The following SDK1 variants were observed in gnomAD, a reference collection of about 807,000 sequenced individuals.
The protein encoded by SDK1 is sidekick cell adhesion molecule 1, also known as protein sidekick-1.
A neutral mutation model predicts 245.5 loss-of-function variants in SDK1; 157 were observed. The observed-to-expected ratio is 0.64, with a 90% CI of 0.56 to 0.73. The LOEUF (loss-of-function observed/expected upper bound fraction) is 0.73, where lower values mean the gene tolerates loss of function less well. Among genes scored for constraint, SDK1 ranks in the 30% least tolerant of loss-of-function variants. The pLI is 0.00. For synonymous variants in SDK1, 1,647 were observed against 1,278.5 expected (o/e 1.29, Z -6.15); for missense variants, 3,583 against 3,002.3 (o/e 1.19, Z -4.52).
At chr7:3,980,707 G>C (rs995875925) in intron 13 of SDK1, among the ~76,000 whole-genome samples, 1 of 152,200 alleles carries the variant, frequency 6.6e-6, no homozygotes. Flanking sequence ...ACTTTGGGAG[G>C]CCGAGGCAGG....
intron 1 of SDK1, among the ~76,000 whole-genome samples, chr7:3,563,497 G>A (rs1359975639): frequency 6.6e-6 from 1 of 152,072 alleles, no homozygotes; most frequent in African/African-American, 2.4e-5. Context: ...TTGATAAAGG[G>A]AATATGACAA....
At position 3,655,103 on chromosome 7, in the gene SDK1, A is replaced by G. The variant is rs549746068; in HGVS notation, c.713+12998A>G. On this transcript the variant is annotated intron_variant, in intron 4 of 44. Transcript: ENST00000404826. ...ACCCACATTATATTTTGAAATGGCA[A>G]TGATCACAATCAAGAGGCATTTTAA... is the stretch of plus-strand genomic sequence containing the variant. Among the ~76,000 whole-genome samples, 11 of 150,642 alleles carry G rather than the reference A, an allele frequency of 7.3e-5. No homozygotes were observed. The South Asian group carries it at 1.9e-3, about 26-fold the overall frequency.
intron 5 of SDK1, among the ~76,000 whole-genome samples, chr7:3,950,375 C>G (rs1780755120): frequency 6.6e-6 from 1 of 152,236 alleles, no homozygotes; most frequent in Non-Finnish European, 1.5e-5. Context: ...CATCTTCTAT[C>G]TGCCCTTTCA....
chr7:3,612,695 G>A (rs994195921), intron 1 of SDK1, among the ~76,000 whole-genome samples: 2 of 152,176 alleles, frequency 1.3e-5, no homozygotes, highest in Admixed American at 6.5e-5. Flanking sequence ...AAGATTAGTG[G>A]TTTAAACTGA....
intron 17 of SDK1, among the ~76,000 whole-genome samples, chr7:4,034,818 C>T (rs890796459): frequency 6.6e-6 from 1 of 152,142 alleles, no homozygotes; most frequent in Non-Finnish European, 1.5e-5. Context: ...GGTATATCCA[C>T]AAGATGGCAT....
intron 1 of SDK1, among the ~76,000 whole-genome samples, chr7:3,444,537 C>T (rs1030969334): frequency 1.3e-4 from 20 of 152,112 alleles, no homozygotes; most frequent in African/African-American, 4.8e-4. Context: ...TATAAGAGAA[C>T]TCTAGTTTTT....
intron 4 of SDK1, among the ~76,000 whole-genome samples, chr7:3,812,392 A>G (rs995900308): frequency 1.2e-4 from 18 of 152,188 alleles, no homozygotes; most frequent in African/African-American, 4.3e-4. Context: ...TTTCAAATCC[A>G]AAGGATTTTA....
At chr7:3,987,041 G>T in intron 13 of SDK1, 145 bp from the exon 14 acceptor site, 1 of 744,736 alleles carries the variant, frequency 1.3e-6, no homozygotes, top group South Asian at 1.8e-5. Context: ...GGGGGGAAGA[G>T]AGTTAATATT....
chr7:3,496,104 A>G (rs957630184), intron 1 of SDK1, among the ~76,000 whole-genome samples: 2 of 152,170 alleles, frequency 1.3e-5, no homozygotes, highest in Middle Eastern at 3.2e-3. Flanking sequence ...GGAGATGCGT[A>G]GTGTGGTCTT....
chr7:3,309,503 G>A (rs924677311), intron 1 of SDK1, among the ~76,000 whole-genome samples: 15 of 147,858 alleles, frequency 1.0e-4, no homozygotes, highest in Non-Finnish European at 1.9e-4. Flanking sequence ...TAGAATAGTG[G>A]CAGAGTGTCA....
At chr7:3,754,632 C>G (rs138418502) in intron 4 of SDK1, among the ~76,000 whole-genome samples, 6 of 143,856 alleles carry the variant, frequency 4.2e-5, no homozygotes, top group Admixed American at 3.7e-4. Flanking sequence ...AAGTTCTCCC[C>G]GGATTGCTGA....
At chr7:3,685,885 C>T (rs1164748296) in intron 4 of SDK1, among the ~76,000 whole-genome samples, 1 of 151,704 alleles carries the variant, frequency 6.6e-6, no homozygotes, top group Non-Finnish European at 1.5e-5. Flanking sequence ...TAAAATGGCA[C>T]GTTTAACATG....
chr7:3,639,903 G>T (rs1782597215), intron 3 of SDK1, among the ~76,000 whole-genome samples: 1 of 152,178 alleles, frequency 6.6e-6, no homozygotes, highest in South Asian at 2.1e-4. Flanking sequence ...AGGCTGGAGT[G>T]CAGTGGCACA....
At chr7:3,813,106 A>T (rs1779424679) in intron 4 of SDK1, among the ~76,000 whole-genome samples, 1 of 151,872 alleles carries the variant, frequency 6.6e-6, no homozygotes, top group South Asian at 2.1e-4. Flanking sequence ...ATTTTTATTT[A>T]TTTATTTATT....
At chr7:4,157,021 G>T (rs143596543) in intron 30 of SDK1, among the ~76,000 whole-genome samples, 1 of 152,166 alleles carries the variant, frequency 6.6e-6, no homozygotes, top group South Asian at 2.1e-4. Context: ...GCCGCTGCCC[G>T]CCAGGGAGGA....
chr7:3,320,889 A>C (rs141879004), intron 1 of SDK1, among the ~76,000 whole-genome samples: 8 of 146,228 alleles, frequency 5.5e-5, no homozygotes, highest in African/African-American at 7.7e-5. Context: ...GTAAGGAAAA[A>C]TGTGGGTTAA....
chr7:4,249,941 A>G (rs993209324), intron 44 of SDK1, among the ~76,000 whole-genome samples: 4 of 152,204 alleles, frequency 2.6e-5, no homozygotes, highest in African/African-American at 9.7e-5. Context: ...GTACATTCAC[A>G]GAGTTGTGCA....
At chr7:3,364,105 G>A (rs1484562692) in intron 1 of SDK1, among the ~76,000 whole-genome samples, 4 of 152,024 alleles carry the variant, frequency 2.6e-5, no homozygotes, top group African/African-American at 4.8e-5. Flanking sequence ...TCAGTGAAAC[G>A]TTTATGTCTT....
intron 1 of SDK1, among the ~76,000 whole-genome samples, chr7:3,542,611 C>A (rs879380802): frequency 6.6e-6 from 1 of 152,090 alleles, no homozygotes; most frequent in Non-Finnish European, 1.5e-5. Context: ...TAATCAATAA[C>A]ATTATTAAAA....
Sources: gnomAD v4.1 joint callset for allele counts (sites outside exome capture counted in the v4.1 genomes callset) on GRCh38, gnomAD v4.1.1 for gene constraint, MANE v1.5 for transcripts, NCBI Gene and HGNC (gene_info 2026-07-23, HGNC 2026-07-21) for gene names.